The following GRIK2 variants were observed in gnomAD, a reference collection of about 807,000 sequenced individuals.
The protein encoded by GRIK2 is glutamate receptor ionotropic, kainate 2.
Under a neutral mutation model 100.3 loss-of-function variants are expected in GRIK2, and 32 were observed. The observed-to-expected ratio is 0.32, with a 90% CI of 0.24 to 0.43. The LOEUF (loss-of-function observed/expected upper bound fraction) is 0.43, where lower values mean the gene tolerates loss of function less well. Ranked by LOEUF, GRIK2 falls within the 20% of genes least tolerant of loss-of-function variation. GRIK2 has a pLI of 1.00. For synonymous variants in GRIK2, 417 were observed against 389.4 expected (o/e 1.07, Z -0.83); for missense variants, 843 against 1,114.9 (o/e 0.76, Z 3.47).
At chr6:101,772,016 T>C (rs1778440886) in intron 7 of GRIK2, among the ~76,000 whole-genome samples, 1 of 152,124 alleles carries the variant, frequency 6.6e-6, no homozygotes, top group Non-Finnish European at 1.5e-5. Context: ...GTGTTTATAG[T>C]TATCTTTCTT....
intron 7 of GRIK2, among the ~76,000 whole-genome samples, chr6:101,769,498 C>T (rs1019638929): frequency 6.6e-6 from 1 of 152,122 alleles, no homozygotes; most frequent in African/African-American, 2.4e-5. Context: ...CTTTGCTGAG[C>T]TTCATTGGAC....
chr6:102,044,635 G>T (rs1322242690), intron 15 of GRIK2, among the ~76,000 whole-genome samples: 1 of 151,866 alleles, frequency 6.6e-6, no homozygotes, highest in Non-Finnish European at 1.5e-5. Flanking sequence ...TCTCCCACTG[G>T]CTCCCTCCCA....
intron 14 of GRIK2, among the ~76,000 whole-genome samples, chr6:102,006,695 T>A (rs1188985322): frequency 6.6e-6 from 1 of 151,668 alleles, no homozygotes; most frequent in South Asian, 2.1e-4. Context: ...GAGATAATGA[T>A]CCTTATTAAG....
intron 14 of GRIK2, among the ~76,000 whole-genome samples, chr6:102,004,833 GC>G (rs973288664): frequency 1.3e-5 from 2 of 150,926 alleles, no homozygotes; most frequent in Admixed American, 1.3e-4. Context: ...TAGTTAAACT[GC>G]CCCCCCACCA....
intron 5 of GRIK2, among the ~76,000 whole-genome samples, chr6:101,677,273 T>C (rs556054991): frequency 2.0e-5 from 3 of 152,236 alleles, no homozygotes; most frequent in Admixed American, 6.5e-5. Context: ...CTATCTCTAC[T>C]TTACAGACAA....
chr6:101,405,270 A>T (rs1162828886), intron 2 of GRIK2, among the ~76,000 whole-genome samples: 1 of 152,210 alleles, frequency 6.6e-6, no homozygotes. Flanking sequence ...AGCTTTCTTC[A>T]AACCTTTATC....
intron 2 of GRIK2, among the ~76,000 whole-genome samples, chr6:101,606,678 A>G (rs865828352): frequency 2.6e-5 from 4 of 152,014 alleles, no homozygotes; most frequent in Non-Finnish European, 4.4e-5. Context: ...GTGAGTTCAT[A>G]TAAGTATGGT....
chr6:101,556,087 A>C (rs1582707216), intron 2 of GRIK2, among the ~76,000 whole-genome samples: 1 of 152,128 alleles, frequency 6.6e-6, no homozygotes, highest in East Asian at 1.9e-4. Flanking sequence ...GTGATTATAT[A>C]TATCACAGAT....
chr6:101,989,697 G>C (rs1425344122), intron 14 of GRIK2, among the ~76,000 whole-genome samples: 2 of 151,532 alleles, frequency 1.3e-5, no homozygotes, highest in East Asian at 3.9e-4. Context: ...CTGAGCCTTG[G>C]TTTCTTCAAT....
At chr6:101,870,955 T>C (rs1785376964) in intron 11 of GRIK2, among the ~76,000 whole-genome samples, 1 of 151,854 alleles carries the variant, frequency 6.6e-6, no homozygotes, top group African/African-American at 2.4e-5. Context: ...CAAAGAAGTT[T>C]TATCTTTAAA....
chr6:101,848,448 C>T (rs2128438548), intron 10 of GRIK2, among the ~76,000 whole-genome samples: 1 of 152,134 alleles, frequency 6.6e-6, no homozygotes, highest in South Asian at 2.1e-4. Flanking sequence ...CTCTAGTCTA[C>T]ATATCTATAT....
At chr6:101,899,348 A>G (rs1419455503) in intron 12 of GRIK2, among the ~76,000 whole-genome samples, 2 of 151,994 alleles carry the variant, frequency 1.3e-5, no homozygotes, top group Admixed American at 1.3e-4. Context: ...TTTTATACTC[A>G]TTTTTGAAAT....
At chr6:101,745,543 G>A (rs961750631) in intron 7 of GRIK2, among the ~76,000 whole-genome samples, 4 of 151,978 alleles carry the variant, frequency 2.6e-5, no homozygotes, top group African/African-American at 4.8e-5. Flanking sequence ...TTTGAGAAAC[G>A]TTTTATGTAT....
At chr6:101,748,035 G>T (rs1776534456) in intron 7 of GRIK2, among the ~76,000 whole-genome samples, 1 of 152,086 alleles carries the variant, frequency 6.6e-6, no homozygotes, top group Admixed American at 6.6e-5. Flanking sequence ...TCCTGAAAAT[G>T]TTCATATTTT....
intron 14 of GRIK2, among the ~76,000 whole-genome samples, chr6:101,967,309 A>G (rs1280979182): frequency 1.3e-5 from 2 of 152,036 alleles, no homozygotes; most frequent in Admixed American, 6.6e-5. Flanking sequence ...TTAAATCATT[A>G]TTAAACCAGT....
chr6:101,667,059 G>C (rs1177936977), intron 4 of GRIK2, among the ~76,000 whole-genome samples: 1 of 152,146 alleles, frequency 6.6e-6, no homozygotes, highest in African/African-American at 2.4e-5. Flanking sequence ...GTTCAGGAGA[G>C]AGTTAATGAC....
intron 14 of GRIK2, among the ~76,000 whole-genome samples, chr6:101,935,240 G>A (rs564795290): frequency 6.6e-6 from 1 of 151,984 alleles, no homozygotes; most frequent in Non-Finnish European, 1.5e-5. Context: ...TGTGTAAATA[G>A]CTACTCACTT....
chr6:101,952,631 C>T (rs1483268667), intron 14 of GRIK2, among the ~76,000 whole-genome samples: 1 of 148,110 alleles, frequency 6.8e-6, no homozygotes, highest in Non-Finnish European at 1.5e-5. Flanking sequence ...GAGGCGGAGT[C>T]TCGCTCCATC....
intron 7 of GRIK2, among the ~76,000 whole-genome samples, chr6:101,766,550 A>G (rs931877536): frequency 1.3e-5 from 2 of 152,204 alleles, no homozygotes; most frequent in African/African-American, 4.8e-5. Context: ...TAAAACAACT[A>G]TTCTAGTTTA....
Sources: gnomAD v4.1 joint callset for allele counts (sites outside exome capture counted in the v4.1 genomes callset) on GRCh38, gnomAD v4.1.1 for gene constraint, MANE v1.5 for transcripts, NCBI Gene and HGNC (gene_info 2026-07-23, HGNC 2026-07-21) for gene names.